ADCY5: variants seen among roughly 807,000 people sequenced by gnomAD.
ADCY5 encodes the protein adenylate cyclase 5.
In ADCY5, 30 loss-of-function variants were observed where a neutral mutation model predicts 119.7. The observed-to-expected ratio is 0.25, with a 90% CI of 0.19 to 0.34. The LOEUF (loss-of-function observed/expected upper bound fraction) is 0.34. Ranked by LOEUF, ADCY5 falls within the 10% of genes least tolerant of loss-of-function variation. ADCY5 has a pLI of 1.00. For missense variants in ADCY5, 1,324 were observed against 1,775.2 expected (o/e 0.75, Z 4.57); for synonymous variants, 753 against 762.2 (o/e 0.99, Z 0.20).
At chr3:123,375,800 C>T (rs768334934) in intron 1 of ADCY5, among the ~76,000 whole-genome samples, 5 of 152,146 alleles carry the variant, frequency 3.3e-5, no homozygotes, top group Non-Finnish European at 7.4e-5. Context: ...GGCAGAGTGA[C>T]CACGAGGGCC....
chr3:123,399,050 C>A (rs1689621919), intron 1 of ADCY5, among the ~76,000 whole-genome samples: 1 of 152,214 alleles, frequency 6.6e-6, no homozygotes, highest in African/African-American at 2.4e-5. Flanking sequence ...TCTCCATACC[C>A]TCCCCAAGCT....
chr3:123,347,158 T>C (rs1018328870), intron 3 of ADCY5, among the ~76,000 whole-genome samples: 2 of 152,116 alleles, frequency 1.3e-5, no homozygotes, highest in African/African-American at 4.8e-5. Flanking sequence ...GAGTACACAA[T>C]GTAGACTGTC....
chr3:123,369,412 C>G (rs185633929), intron 1 of ADCY5, among the ~76,000 whole-genome samples: 14 of 152,312 alleles, frequency 9.2e-5, no homozygotes, highest in African/African-American at 2.9e-4. Flanking sequence ...CCCAGGCCCA[C>G]ATCAGAATTA....
intron 3 of ADCY5, 150 bp from the exon 4 acceptor site, chr3:123,332,825 G>A: frequency 1.7e-6 from 1 of 579,172 alleles, no homozygotes; most frequent in Non-Finnish European, 3.1e-6. Flanking sequence ...TGTGATCAAG[G>A]CTCACTGCAG....
rs775783451 is a variant in ADCY5, at chr3:123,304,169, T to C, written c.2457A>G (p.Pro819=). ...CGATCTTCCTGGAGAGGGTCTGCAG[T>C]GGGGAGGGGAAGAGCTAGGGTGGGG... ...IYSCVKLFPS[P]LQTLSRKIVR... The change falls in exon 13 of 21, where the codon CCA becomes CCG. Residue 819 remains proline, a synonymous_variant. Coordinates refer to ENST00000462833, the MANE Select transcript of ADCY5 (RefSeq NM_183357.3). 1 of 988,156 alleles carries C rather than the reference T, an allele frequency of 1.0e-6. No homozygotes were observed. The highest frequency in any genetic ancestry group is 3.0e-5 in the Admixed American group (1 of 33,400). 61.2% of individuals were successfully genotyped at this position (988,156 alleles called of 1,614,324 possible). A position where few individuals can be genotyped will look rare whatever the true frequency, so the allele number is the denominator to read the frequency against.
At chr3:123,298,506 CT>C (rs1249064691) in intron 15 of ADCY5, among the ~76,000 whole-genome samples, 7 of 152,220 alleles carry the variant, frequency 4.6e-5, no homozygotes, top group Non-Finnish European at 1.0e-4. Flanking sequence ...TTGTCCCATG[CT>C]CCACTGTCCC....
At chr3:123,365,753 G>T (rs560327118) in intron 1 of ADCY5, among the ~76,000 whole-genome samples, 1 of 152,280 alleles carries the variant, frequency 6.6e-6, no homozygotes, top group South Asian at 2.1e-4. Flanking sequence ...GCTGTAAGGG[G>T]GTTAAGTCAT....
At chr3:123,424,562 C>T (rs1396529580) in intron 1 of ADCY5, among the ~76,000 whole-genome samples, 1 of 152,184 alleles carries the variant, frequency 6.6e-6, no homozygotes, top group African/African-American at 2.4e-5. Flanking sequence ...CCTCTGAGGG[C>T]TAGAACAAGC....
At chr3:123,298,939 G>A (rs1044662704) in intron 15 of ADCY5, among the ~76,000 whole-genome samples, 14 of 149,166 alleles carry the variant, frequency 9.4e-5, no homozygotes. Context: ...TATGGGCGTT[G>A]ATAATCCACA....
intron 1 of ADCY5, among the ~76,000 whole-genome samples, chr3:123,431,562 T>C (rs1945523695): frequency 6.6e-6 from 1 of 152,232 alleles, no homozygotes; most frequent in African/African-American, 2.4e-5. Flanking sequence ...GGTTTGCTGC[T>C]CTGCTAAGAT....
chr3:123,299,714 C>T (rs1028913885), intron 15 of ADCY5, among the ~76,000 whole-genome samples: 2 of 152,208 alleles, frequency 1.3e-5, no homozygotes, highest in Non-Finnish European at 2.9e-5. Flanking sequence ...AGAGGAACAG[C>T]GGATATCCAG....
chr3:123,300,302 G>A lies in ADCY5; in HGVS notation c.2725-7C>T, dbSNP rs749509445. The A allele has an allele frequency of 8.7e-6, 14 of 1,612,266 alleles. No individual in the cohort carries two copies. In the Admixed American group the frequency reaches 1.0e-4, roughly 12 times the overall value. On this transcript the variant is annotated splice_region_variant and splice_polypyrimidine_tract_variant and intron_variant, in intron 14 of 20. Transcript: ENST00000462833. ...GCACGCTGTAGGTGAAGTACTGCGG[G>A]CAGAGGGCAGCAGCATCAGCTCCCC...
chr3:123,327,813 G>A, intron 6 of ADCY5, 54 bp from the exon 7 acceptor site: 4 of 1,594,556 alleles, frequency 2.5e-6, no homozygotes. Context: ...AAGTCATAAT[G>A]TCAGCCCCCG....
intron 17 of ADCY5, 124 bp downstream of exon 17, chr3:123,295,960 A>G: frequency 7.0e-7 from 1 of 1,418,940 alleles, no homozygotes; most frequent in Non-Finnish European, 9.6e-7. Context: ...ATGGGGCCTG[A>G]GCAAGACAGC....
intron 3 of ADCY5, among the ~76,000 whole-genome samples, chr3:123,334,275 C>T (rs1382626314): frequency 6.6e-6 from 1 of 152,130 alleles, no homozygotes; most frequent in East Asian, 1.9e-4. Flanking sequence ...AGCCAAGTCT[C>T]AGAGCAGCCA....
intron 1 of ADCY5, among the ~76,000 whole-genome samples, chr3:123,374,935 G>A (rs1301245195): frequency 6.6e-6 from 1 of 152,248 alleles, no homozygotes; most frequent in Non-Finnish European, 1.5e-5. Flanking sequence ...TCACACTGAA[G>A]GGTTGAGAAG....
chr3:123,429,720 G>C (rs1945484997), intron 1 of ADCY5, among the ~76,000 whole-genome samples: 1 of 152,202 alleles, frequency 6.6e-6, no homozygotes, highest in Non-Finnish European at 1.5e-5. Flanking sequence ...GGGACAGCAG[G>C]TGGAGAGCAT....
chr3:123,303,081 G>T lies in ADCY5; in HGVS notation c.2698C>A (p.Pro900Thr). The change falls in exon 14 of 21, where the codon CCC becomes ACC. Residue 900 changes from proline (P) to threonine (T), a missense_variant. Physicochemically the swap from Pro to Thr is conservative, Grantham distance 38. Transcript: ENST00000462833. ...TCGGGGAAGTTGCAGTTGGGCCAGG[G>T]GCTGCCACAGAAGCCCTGCTCATCG... ...LGDEQGFCGSPWPNCNFPEYF... is the reference protein window; with the variant it reads ...LGDEQGFCGSTWPNCNFPEYF... 6.2e-7 allele frequency: 1 copy of T among 1,613,734 alleles called. No homozygotes were observed. Among genetic ancestry groups the T allele is most frequent in the South Asian group, 1.1e-5 (1 of 91,076 alleles).
chr3:123,305,124 G>C (rs1328719400), intron 12 of ADCY5, among the ~76,000 whole-genome samples: 1 of 152,194 alleles, frequency 6.6e-6, no homozygotes, highest in Non-Finnish European at 1.5e-5. Context: ...CTTTTCCTGT[G>C]TGTTCCTGAG....
Sources: gnomAD v4.1 joint callset for allele counts (sites outside exome capture counted in the v4.1 genomes callset) on GRCh38, gnomAD v4.1.1 for gene constraint, MANE v1.5 for transcripts, NCBI Gene and HGNC (gene_info 2026-07-23, HGNC 2026-07-21) for gene names.